The following COL4A3 variants were observed in gnomAD, a reference collection of about 807,000 sequenced individuals.
The protein encoded by COL4A3 is collagen alpha-3(IV) chain.
In COL4A3, 135 loss-of-function variants were observed where a neutral mutation model predicts 217.4. That is an observed-to-expected ratio of 0.62 (90% confidence interval 0.54 to 0.72). The LOEUF (loss-of-function observed/expected upper bound fraction) is 0.72. Ranked by LOEUF, COL4A3 falls within the 30% of genes least tolerant of loss-of-function variation. The pLI is 0.00. For missense variants in COL4A3, 1,868 were observed against 2,119.9 expected (o/e 0.88, Z 2.33); for synonymous variants, 690 against 736.3 (o/e 0.94, Z 1.02).
rs55921350 is a variant in COL4A3 at position 227,257,515 on chromosome 2, A to G, written c.988-88A>G. 0.016 allele frequency: 16,279 copies of G among 1,041,114 alleles called. 648 individuals are homozygous for G. The highest frequency in any genetic ancestry group is 0.15 in the East Asian group (6,126 of 41,942). 64.5% of individuals were successfully genotyped at this position (1,041,114 alleles called of 1,614,324 possible). A position where few individuals can be genotyped will look rare whatever the true frequency, so the allele number is the denominator to read the frequency against. ...GTACATGACATCTACATATCAATAT[A>G]TTGTTCATTTTAACTGTACATCTTG... On this transcript the variant is annotated intron_variant, in intron 17 of 51. Coordinates refer to ENST00000396578, the MANE Select transcript of COL4A3 (RefSeq NM_000091.5).
intron 43 of COL4A3, among the ~76,000 whole-genome samples, chr2:227,302,677 C>CAAACAAAAAAAAAAAAAAAAA (rs2073340246): frequency 1.3e-5 from 1 of 79,916 alleles, no homozygotes; most frequent in Non-Finnish European, 2.2e-5. Flanking sequence ...ACTCTTTCTC[C>CAAACAAAAAAAAAAAAAAAAA]AAAAAAAAAA....
chr2:227,289,029 C>A, intron 34 of COL4A3, 121 bp from the exon 35 acceptor site: 1 of 660,996 alleles, frequency 1.5e-6, no homozygotes, highest in South Asian at 1.5e-5. Context: ...CAGCTCACTT[C>A]AACCTCTGTC....
rs2070615977 is a variant in COL4A3 at position 227,262,116 on chromosome 2, T to C, written c.1150+999T>C. On this transcript the variant is annotated intron_variant, in intron 20 of 51. Coordinates refer to ENST00000396578, the MANE Select transcript of COL4A3 (RefSeq NM_000091.5). Reference sequence around the variant, plus strand: ...AGACTGCAGAACTATAAGTATACTATAATTTCACTATTAAAAAAATAGATA... The same window carrying C: ...AGACTGCAGAACTATAAGTATACTACAATTTCACTATTAAAAAAATAGATA... Among the ~76,000 whole-genome samples, 5 of 152,312 alleles carry C rather than the reference T, an allele frequency of 3.3e-5. No homozygotes were observed. In the South Asian group the frequency reaches 1.0e-3, roughly 32 times the overall value.
intron 28 of COL4A3, 23 bp downstream of exon 28, chr2:227,277,576 CAT>C (rs2071659870): frequency 1.4e-6 from 2 of 1,454,446 alleles, no homozygotes; most frequent in South Asian, 2.4e-5. Context: ...TTTTTTCAAA[CAT>C]AAAGTTTGTT....
At chr2:227,235,032 C>G (rs2068615166) in intron 1 of COL4A3, among the ~76,000 whole-genome samples, 1 of 152,168 alleles carries the variant, frequency 6.6e-6, no homozygotes, top group Non-Finnish European at 1.5e-5. Flanking sequence ...GTTAAGCTTC[C>G]TTACCCAGTA....
chr2:227,263,026 T>TA (rs1178037919), intron 20 of COL4A3, among the ~76,000 whole-genome samples: 4 of 152,284 alleles, frequency 2.6e-5, no homozygotes, highest in Admixed American at 2.6e-4. Context: ...ACACATTTGA[T>TA]ACATGTAACA....
chr2:227,239,702 T>G (rs1225607455), intron 2 of COL4A3, among the ~76,000 whole-genome samples: 1 of 152,246 alleles, frequency 6.6e-6, no homozygotes, highest in East Asian at 1.9e-4. Context: ...ACTCATAACC[T>G]GCCTGGTGGC....
In COL4A3 at chr2:227,244,920, T is replaced by C. The variant is rs537714920; in HGVS notation, c.280-31T>C. On this transcript the variant is annotated intron_variant, in intron 4 of 51. Coordinates refer to ENST00000396578, the MANE Select transcript of COL4A3 (RefSeq NM_000091.5). ...GAACATTTTTAAAGTTTTTTTTTTT[T>C]GCCACCCCCTCCTTTTTCCTATGTC... 2.4e-5 allele frequency: 39 copies of C among 1,609,350 alleles called. No homozygotes were observed. In the African/African-American group the frequency reaches 4.4e-4, roughly 18 times the overall value.
Position 227,280,933 on chromosome 2 carries a change from C to T in COL4A3, c.2415C>T (p.Pro805=). The T allele has an allele frequency of 6.4e-7, 1 of 1,565,406 alleles. No individual in the cohort carries two copies. The highest frequency in any genetic ancestry group is 8.7e-7 in the Non-Finnish European group (1 of 1,154,374). Residue 805 remains proline, a synonymous_variant, in exon 31 of 52, where the codon CCC becomes CCT. Coordinates refer to ENST00000396578, the MANE Select transcript of COL4A3 (RefSeq NM_000091.5). The stretch of plus-strand genomic sequence containing the variant: ...CTGGACCACCTGGAGAACAAGGACC[C>T]CCAGGAAGGTGCATAGAGGGTCCCA... The part of the protein sequence containing the change: ...GQPGPPGEQG[P]PGRCIEGPRG...
intron 29 of COL4A3, among the ~76,000 whole-genome samples, 181 bp downstream of exon 29, chr2:227,280,071 A>G (rs1466479033): frequency 1.3e-5 from 2 of 152,258 alleles, no homozygotes; most frequent in African/African-American, 4.8e-5. Flanking sequence ...AAAGGAAAAC[A>G]TAAGGTGTCA....
intron 1 of COL4A3, among the ~76,000 whole-genome samples, chr2:227,188,797 GT>G (rs1250765358): frequency 6.6e-6 from 1 of 152,160 alleles, no homozygotes; most frequent in Non-Finnish European, 1.5e-5. Flanking sequence ...CACTTACTGT[GT>G]GCTAGGTGCT....
chr2:227,261,205 A>T (rs1324616957), intron 20 of COL4A3, 88 bp downstream of exon 20: 1 of 1,161,436 alleles, frequency 8.6e-7, no homozygotes, highest in Non-Finnish European at 1.3e-6. Context: ...TATTTACATA[A>T]GACAAATGTT....
chr2:227,299,144 C>G (rs2073168092), intron 43 of COL4A3, among the ~76,000 whole-genome samples: 1 of 152,162 alleles, frequency 6.6e-6, no homozygotes, highest in South Asian at 2.1e-4. Flanking sequence ...GCCTGTAATC[C>G]CAGCACTTTG....
chr2:227,206,473 T>G (rs185296257), intron 1 of COL4A3, among the ~76,000 whole-genome samples: 6 of 151,988 alleles, frequency 3.9e-5, no homozygotes, highest in Non-Finnish European at 8.8e-5. Flanking sequence ...TAGGCTCAGG[T>G]GGGAACTGAG....
At chr2:227,201,679 C>G (rs71431028) in intron 1 of COL4A3, among the ~76,000 whole-genome samples, 16,012 of 152,154 alleles carry the variant, frequency 0.11, 1,080 homozygotes, top group Admixed American at 0.16. Flanking sequence ...CAGAAACTAC[C>G]AAATCCTTTT....
chr2:227,263,703 C>A (rs1292269460), intron 20 of COL4A3, 77 bp from the exon 21 acceptor site: 2 of 1,372,582 alleles, frequency 1.5e-6, no homozygotes, highest in East Asian at 2.5e-5. Flanking sequence ...AAAATTAAAT[C>A]ACTCTTGCAA....
rs1194884501 is a variant in COL4A3 at position 227,303,931 on chromosome 2, G to C, written c.4027+1G>C. The C allele has an allele frequency of 6.2e-7, 1 of 1,614,214 alleles. No homozygotes were observed. The highest frequency in any genetic ancestry group is 1.3e-5 in the African/African-American group (1 of 75,056). ...CCAATTGGGCCAAAAGGACCACCTGGTAAATAAACGTCCTTACTATTGCTG... is the reference window on the plus strand; with the variant it reads ...CCAATTGGGCCAAAAGGACCACCTGCTAAATAAACGTCCTTACTATTGCTG... On this transcript the variant is annotated splice_donor_variant, in intron 45 of 51. Transcript: ENST00000396578. LOFTEE classifies it high-confidence loss of function.
rs550626003 is a variant in COL4A3 at position 227,293,394 on chromosome 2, C to G, written c.3337+77C>G. The G allele has an allele frequency of 1.5e-4, 225 of 1,516,148 alleles. No individual in the cohort carries two copies. In the African/African-American group the frequency reaches 3.0e-3, roughly 20 times the overall value. The allele number at this position is 1,516,148 out of a possible 1,614,324, so 93.9% of individuals were successfully genotyped here. ...GCCCTCCTGAAATCATTGTGGTAAACAGAAAGCTATTTATACTTTTATGCT... is the reference window on the plus strand; with the variant it reads ...GCCCTCCTGAAATCATTGTGGTAAAGAGAAAGCTATTTATACTTTTATGCT... On this transcript the variant is annotated intron_variant, in intron 38 of 51. Transcript: ENST00000396578.
chr2:227,169,076 T>C (rs1320946531), intron 1 of COL4A3, among the ~76,000 whole-genome samples: 1 of 146,742 alleles, frequency 6.8e-6, no homozygotes, highest in East Asian at 2.0e-4. Flanking sequence ...GAGTGTGATG[T>C]TCCCCTTCCT....
Sources: gnomAD v4.1 joint callset for allele counts (sites outside exome capture counted in the v4.1 genomes callset) on GRCh38, gnomAD v4.1.1 for gene constraint, MANE v1.5 for transcripts, NCBI Gene and HGNC (gene_info 2026-07-23, HGNC 2026-07-21) for gene names.